Variants in FDXR observed in about 807,000 individuals in gnomAD.
FDXR encodes NADPH:adrenodoxin oxidoreductase, mitochondrial.
Under a neutral mutation model 58.3 loss-of-function variants are expected in FDXR, and 38 were observed. The ratio of observed to expected loss-of-function variants is 0.65; its 90% CI spans 0.50 to 0.85. The LOEUF is 0.85. Ranked by LOEUF, FDXR falls within the 40% of genes least tolerant of loss-of-function variation. The pLI is 0.00. For synonymous variants in FDXR, 275 were observed against 273.8 expected, an observed-to-expected ratio of 1.00 and a Z score of -0.04; for missense variants, 624 against 671.0, an observed-to-expected ratio of 0.93 and a Z score of 0.77.
At position 74,862,748 on chromosome 17, in the gene FDXR, A is replaced by G. The variant is rs546460456; in HGVS notation, c.*69T>C. 6.5e-7 allele frequency: 1 copy of G among 1,533,874 alleles called. No individual in the cohort carries two copies. The highest frequency in any genetic ancestry group is 1.4e-5 in the African/African-American group (1 of 73,268). ...TCAGCAGAGGTGCAAAGTCCCACTC[A>G]GACGGACCCAGCCCTTCCCCTCCCA... On this transcript the variant is annotated 3_prime_UTR_variant, in exon 12 of 12. Coordinates refer to ENST00000293195, the MANE Select transcript of FDXR (RefSeq NM_024417.5).
intron 1 of FDXR, chr17:74,872,432 A>G: frequency 1.4e-6 from 1 of 709,166 alleles, no homozygotes; most frequent in Non-Finnish European, 2.3e-6. Flanking sequence ...CATCCTTCCA[A>G]CGGCCTCCAT....
rs56079045 is a variant in FDXR, at chr17:74,867,306, C to CAAAAA, written c.178-435_178-431dup. 1.7e-3 allele frequency among the ~76,000 whole-genome samples: 28 copies of CAAAAA among 16,544 alleles called. 2 individuals carry two copies. Among genetic ancestry groups the CAAAAA allele is most frequent in the African/African-American group, 4.8e-3 (25 of 5,194 alleles). 10.9% of individuals were successfully genotyped at this position (16,544 alleles called of 152,430 possible). ...TGGGTGACAGAGCAAGACTCTGTCT[C>CAAAAA]AAAAAAAAAAAAAAAAAAAAAAAAA... is the stretch of plus-strand genomic sequence containing the variant. On this transcript the variant is annotated intron_variant, in intron 2 of 11. Transcript: ENST00000293195.
At position 74,872,934 on chromosome 17, in the gene FDXR, C is replaced by T; in HGVS notation, c.11G>A (p.Arg4His). MASRCWRWWGWSAW... is the reference protein window; with the variant it reads MASHCWRWWGWSAW... ...CGACCAGCCCCACCAGCGCCAGCAG[C>T]GCGAAGCCATGGCTGGGAGCAGCAA... The change falls in exon 1 of 12, where the codon CGC (arginine) becomes CAC (histidine). Residue 4 changes from arginine to histidine, a missense_variant. Arg to His is a conservative substitution (Grantham distance 29). Transcript: ENST00000293195. 1 of 1,556,056 alleles carries T rather than the reference C, an allele frequency of 6.4e-7. No homozygotes were observed.
chr17:74,868,725 G>C, intron 2 of FDXR: 1 of 1,512,568 alleles, frequency 6.6e-7, no homozygotes, highest in South Asian at 1.3e-5. Context: ...TGTCCCTCTA[G>C]CTGCTCCCCG....
In FDXR at chr17:74,864,036, G is replaced by A. The variant is rs35660143; in HGVS notation, c.1034C>T (p.Thr345Met). 2,283 of 1,614,000 alleles carry A rather than the reference G, an allele frequency of 1.4e-3. 31 individuals carry two copies. In the African/African-American group the frequency reaches 0.027, roughly 19 times the overall value. ...ACAAGGGAGGTCTTCCATGTCTCCC[G>A]TGGGCACTGCACGGGTGGCCTCATC... ...GVDEATRAVPTGDMEDLPCGL... is the reference protein window; with the variant it reads ...GVDEATRAVPMGDMEDLPCGL... The change falls in exon 10 of 12, where the codon ACG becomes ATG. Residue 345 changes from threonine (T) to methionine (M), a missense_variant. Thr to Met is a moderately conservative substitution (Grantham distance 81, BLOSUM62 -1). Coordinates refer to ENST00000293195, the MANE Select transcript of FDXR (RefSeq NM_024417.5).
At chr17:74,867,254 C>T (rs1196549962) in intron 2 of FDXR, among the ~76,000 whole-genome samples, 4 of 131,938 alleles carry the variant, frequency 3.0e-5, no homozygotes, top group African/African-American at 5.9e-5. Context: ...TTGCAGTGAG[C>T]GAAGATCGCG....
In FDXR at chr17:74,864,438, CCCTCTCCCTAGTAGTTGGGGGGCCAGG is replaced by C. The variant is rs772055603; in HGVS notation, c.802+15_802+41del. Reference sequence around the variant, plus strand: ...CCCAATCCCTCTCTGACCTAGGCCACCCTCTCCCTAGTAGTTGGGGGGCCAGGCCAGGGCCCCTCACCCTTGATCTTG... The same window carrying C: ...CCCAATCCCTCTCTGACCTAGGCCACCCAGGGCCCCTCACCCTTGATCTTG... On this transcript the variant is annotated intron_variant, in intron 8 of 11. Coordinates refer to ENST00000293195, the MANE Select transcript of FDXR (RefSeq NM_024417.5). The C allele has an allele frequency of 2.5e-5, 40 of 1,609,896 alleles. No homozygotes were observed. Among genetic ancestry groups the C allele is most frequent in the Admixed American group, 5.0e-5 (3 of 59,976 alleles).
chr17:74,869,138 G>A (rs559946871), intron 2 of FDXR, among the ~76,000 whole-genome samples: 3 of 152,260 alleles, frequency 2.0e-5, no homozygotes, highest in African/African-American at 7.2e-5. Flanking sequence ...AGCCCTGCCT[G>A]GACCTACGCT....
In FDXR at chr17:74,864,544, C is replaced by A; in HGVS notation, c.738G>T (p.Gln246His). 1 of 1,614,074 alleles carries A rather than the reference C, an allele frequency of 6.2e-7. No homozygotes were observed. The highest frequency in any genetic ancestry group is 8.5e-7 in the Non-Finnish European group (1 of 1,179,964). Residue 246 changes from glutamine (Q) to histidine (H), a missense_variant, in exon 8 of 12, where the codon CAG becomes CAT. Coordinates refer to ENST00000293195, the MANE Select transcript of FDXR (RefSeq NM_024417.5). Reference sequence around the variant, plus strand: ...CCAAAATGGGCCGGGCTCCCGGTAACTGAATCATCTCCCGAAGCTCCTTGA... The same window carrying A: ...CCAAAATGGGCCGGGCTCCCGGTAAATGAATCATCTCCCGAAGCTCCTTGA... Reference protein sequence around the residue: ...FTIKELREMIQLPGARPILDP... With the variant: ...FTIKELREMIHLPGARPILDP...
chr17:74,871,830 G>A (rs781093927), intron 2 of FDXR, among the ~76,000 whole-genome samples: 2 of 152,158 alleles, frequency 1.3e-5, no homozygotes, highest in Non-Finnish European at 2.9e-5. Flanking sequence ...ACCAATGTGC[G>A]TTTTACACCC....
At position 74,865,700 on chromosome 17, in the gene FDXR, G is replaced by C. The variant is rs1459440905; in HGVS notation, c.609+19C>G. ...GGTGACCCCACCTCCAACCCCGCCA[G>C]CCCTGACCTACCACTCACCTCCAGG... On this transcript the variant is annotated intron_variant, in intron 6 of 11. Transcript: ENST00000293195. 3.2e-6 allele frequency: 5 copies of C among 1,576,808 alleles called. No homozygotes were observed. Among genetic ancestry groups the C allele is most frequent in the Admixed American group, 3.5e-5 (2 of 57,944 alleles).
At chr17:74,872,266 T>C in intron 1 of FDXR, 133 bp from the exon 2 acceptor site, 1 of 1,539,068 alleles carries the variant, frequency 6.5e-7, no homozygotes, top group Non-Finnish European at 8.7e-7. Flanking sequence ...CTCTTGTTCC[T>C]CAAGGCTTTG....
Position 74,872,101 on chromosome 17 carries a change from T to C in FDXR, c.112A>G (p.Thr38Ala), listed in dbSNP as rs764737429. 3.7e-6 allele frequency: 6 copies of C among 1,605,860 alleles called. No homozygotes were observed. Among genetic ancestry groups the C allele is most frequent in the Non-Finnish European group, 5.1e-6 (6 of 1,175,890 alleles). The part of the protein sequence containing the change: ...FCHHFSTQEK[T>A]PQICVVGSGP... ...CTGCCCACCACACAGATCTGGGGGG[T>C]CTTCTCCTGTGTGGAGAAATGGTGG... is the stretch of plus-strand genomic sequence containing the variant. The change falls in exon 2 of 12, where the codon ACC becomes GCC. Residue 38 changes from threonine to alanine, a missense_variant. Physicochemically the swap from Thr to Ala is moderately conservative, Grantham distance 58 (BLOSUM62 0). Transcript: ENST00000293195.
chr17:74,864,290 T>G lies in FDXR; in HGVS notation c.860A>C (p.Lys287Thr). 1 of 1,594,142 alleles carries G rather than the reference T, an allele frequency of 6.3e-7. No homozygotes were observed. Among genetic ancestry groups the G allele is most frequent in the South Asian group, 1.1e-5 (1 of 90,434 alleles). ...TELLLRTATE[K>T]PGPAEAARQA... ...GCGGGCAGCTTCCGCCGGCCCTGGC[T>G]TCTCTGTGGCCGTTCGAAGCAGCAG... The change falls in exon 9 of 12, where the codon AAG (lysine) becomes ACG (threonine). Residue 287 changes from lysine (K) to threonine (T), a missense_variant. Coordinates refer to ENST00000293195, the MANE Select transcript of FDXR (RefSeq NM_024417.5).
intron 2 of FDXR, among the ~76,000 whole-genome samples, chr17:74,867,526 C>A (rs1157348233): frequency 2.0e-5 from 3 of 151,988 alleles, no homozygotes; most frequent in Non-Finnish European, 2.9e-5. Context: ...TGAGGGCCAC[C>A]CTCTGAATTC....
Position 74,872,902 on chromosome 17 carries a change from G to A in FDXR, c.43C>T (p.Pro15Ser), listed in dbSNP as rs1241567936. 2 of 1,553,364 alleles carry A rather than the reference G, an allele frequency of 1.3e-6. No individual in the cohort carries two copies. Among genetic ancestry groups the A allele is most frequent in the Non-Finnish European group, 1.7e-6 (2 of 1,149,288 alleles). ...CCGGCGGGAGGCAGCCGGGTCCGAGGCCACGCCGACCAGCCCCACCAGCGC... is the reference window on the plus strand; with the variant it reads ...CCGGCGGGAGGCAGCCGGGTCCGAGACCACGCCGACCAGCCCCACCAGCGC... ...CWRWWGWSAW[P>S]RTRLPPAGST... Residue 15 changes from proline to serine, a missense_variant, in exon 1 of 12, where the codon CCT (proline) becomes TCT (serine). Coordinates refer to ENST00000293195, the MANE Select transcript of FDXR (RefSeq NM_024417.5).
In FDXR at chr17:74,864,053, G is replaced by A. The variant is rs956733074; in HGVS notation, c.1017C>T (p.Ala339=). The A allele has an allele frequency of 1.2e-6, 2 of 1,613,934 alleles. No individual in the cohort carries two copies. The highest frequency in any genetic ancestry group is 4.5e-5 in the East Asian group (2 of 44,892). Residue 339 remains alanine (A), a synonymous_variant, in exon 10 of 12, where the codon GCC becomes GCT. Transcript: ENST00000293195. ...AVTRLEGVDE[A]TRAVPTGDME... The stretch of plus-strand genomic sequence containing the variant: ...TGTCTCCCGTGGGCACTGCACGGGT[G>A]GCCTCATCGACACCCTGTTGGGGAG...
intron 3 of FDXR, 24 bp downstream of exon 3, chr17:74,866,760 G>A: frequency 6.2e-7 from 1 of 1,612,886 alleles, no homozygotes; most frequent in Non-Finnish European, 8.5e-7. Context: ...CCAAACCCCA[G>A]CCTCCAGGCC....
chr17:74,868,150 C>G (rs1052108312), intron 2 of FDXR: 2 of 277,260 alleles, frequency 7.2e-6, no homozygotes, highest in African/African-American at 4.3e-5. Flanking sequence ...CCTCCCCCAC[C>G]TCCTGCCTCT....
Sources: gnomAD v4.1 joint callset for allele counts (sites outside exome capture counted in the v4.1 genomes callset) on GRCh38, gnomAD v4.1.1 for gene constraint, MANE v1.5 for transcripts, NCBI Gene and HGNC (gene_info 2026-07-23, HGNC 2026-07-21) for gene names.